The following PCLO variants were observed in gnomAD, a reference collection of about 807,000 sequenced individuals.
PCLO encodes the protein piccolo presynaptic cytomatrix protein, also known as protein piccolo.
A neutral mutation model predicts 427.5 loss-of-function variants in PCLO; 82 were observed. The observed-to-expected ratio is 0.19, with a 90% CI of 0.16 to 0.23. The LOEUF (loss-of-function observed/expected upper bound fraction) is 0.23. PCLO is among the 10% of genes least tolerant of loss of function. The pLI is 1.00. For synonymous variants in PCLO, 2,357 were observed against 2,155.4 expected, an observed-to-expected ratio of 1.09 and a Z score of -2.59; for missense variants, 6,239 against 6,115.9, an observed-to-expected ratio of 1.02 and a Z score of -0.67.
chr7:83,092,072 T>C (rs746393654), intron 3 of PCLO, among the ~76,000 whole-genome samples: 1 of 152,080 alleles, frequency 6.6e-6, no homozygotes, highest in African/African-American at 2.4e-5. Context: ...AGAGAGAGGA[T>C]AGAGAATGAA....
chr7:83,057,348 AT>A (rs1199445166), intron 3 of PCLO, among the ~76,000 whole-genome samples: 16 of 19,592 alleles, frequency 8.2e-4, no homozygotes, highest in Non-Finnish European at 1.3e-3. Context: ...ATATATATAT[AT>A]TTTTTTTTTT....
At chr7:82,877,941 C>G (rs74745360) in intron 10 of PCLO, among the ~76,000 whole-genome samples, 9,613 of 152,164 alleles carry the variant, frequency 0.063, 425 homozygotes, top group East Asian at 0.2. Flanking sequence ...CAAAGTGCCT[C>G]CCAAAGTGGG....
chr7:82,967,603 G>C (rs561383256), intron 3 of PCLO, among the ~76,000 whole-genome samples: 1 of 152,286 alleles, frequency 6.6e-6, no homozygotes, highest in South Asian at 2.1e-4. Flanking sequence ...AGAATCCTGG[G>C]AGAGGAAACA....
intron 4 of PCLO, among the ~76,000 whole-genome samples, chr7:82,961,423 G>T (rs1201197717): frequency 3.9e-5 from 6 of 152,138 alleles, no homozygotes; most frequent in Non-Finnish European, 8.8e-5. Flanking sequence ...TCTCCCCATG[G>T]GGAATGTTAG....
intron 1 of PCLO, 27 bp from the exon 2 acceptor site, chr7:83,156,419 A>G: frequency 7.7e-7 from 1 of 1,297,390 alleles, no homozygotes; most frequent in Non-Finnish European, 1.1e-6. Flanking sequence ...AAAAAAAAAA[A>G]ATCAAGTGAA....
intron 7 of PCLO, among the ~76,000 whole-genome samples, chr7:82,912,671 A>G (rs1215746748): frequency 6.7e-6 from 1 of 150,324 alleles, no homozygotes; most frequent in Non-Finnish European, 1.5e-5. Flanking sequence ...TATTTTATCA[A>G]AACAATGTTT....
At chr7:82,878,164 G>C (rs1793419627) in intron 10 of PCLO, among the ~76,000 whole-genome samples, 1 of 152,134 alleles carries the variant, frequency 6.6e-6, no homozygotes, top group African/African-American at 2.4e-5. Flanking sequence ...TTTGAAGTTG[G>C]GAAGAGATTT....
At chr7:83,160,631 A>G (rs1478598560) in intron 1 of PCLO, among the ~76,000 whole-genome samples, 4 of 152,164 alleles carry the variant, frequency 2.6e-5, no homozygotes, top group Non-Finnish European at 4.4e-5. Context: ...TTCCATCATA[A>G]TAAAATTATC....
intron 3 of PCLO, among the ~76,000 whole-genome samples, chr7:82,969,374 C>T (rs1357702574): frequency 2.0e-5 from 3 of 152,008 alleles, no homozygotes; most frequent in Non-Finnish European, 4.4e-5. Flanking sequence ...TAAATCTGAG[C>T]AATAAAAGAT....
At position 82,953,289 on chromosome 7, in the gene PCLO, G is replaced by A. The variant is rs749947727; in HGVS notation, c.7664C>T (p.Pro2555Leu). ...TGGGGAAAGTGGGGAGGTAGGGGAA[G>A]GCAATTTATAATCTGCTGAAGTCAC... ...NLVTSADYKL[P>L]SPTSPLSPHS... Residue 2555 changes from proline (P) to leucine (L), a missense_variant, in exon 5 of 25, where the codon CCT (proline) becomes CTT (leucine). Around this residue, in one of 5 missense-constraint regions of PCLO, gnomAD observed 4,677 missense variants for 4,468.4 expected, o/e 1.05. Coordinates refer to ENST00000333891, the MANE Select transcript of PCLO (RefSeq NM_033026.6). 1.2e-5 allele frequency: 19 copies of A among 1,613,696 alleles called. 1 individual carries two copies. The South Asian group carries it at 2.0e-4, about 17-fold the overall frequency.
At chr7:82,980,535 T>C (rs544606528) in intron 3 of PCLO, among the ~76,000 whole-genome samples, 1 of 152,288 alleles carries the variant, frequency 6.6e-6, no homozygotes, top group African/African-American at 2.4e-5. Context: ...GACAGTGCTT[T>C]CCAAGCCTTT....
At chr7:83,117,395 T>C (rs1216016578) in intron 3 of PCLO, among the ~76,000 whole-genome samples, 2 of 152,186 alleles carry the variant, frequency 1.3e-5, no homozygotes, top group African/African-American at 4.8e-5. Flanking sequence ...GTCTATATAT[T>C]TAGCATTGTT....
chr7:82,915,756 T>A lies in PCLO; in HGVS notation c.12230A>T (p.Asp4077Val). The A allele has an allele frequency of 6.2e-7, 1 of 1,612,142 alleles. No individual in the cohort carries two copies. Among genetic ancestry groups the A allele is most frequent in the Middle Eastern group, 1.7e-4 (1 of 6,052 alleles). Residue 4077 changes from aspartate to valine, a missense_variant, in exon 7 of 25, where the codon GAC becomes GTC. Coordinates refer to ENST00000333891, the MANE Select transcript of PCLO (RefSeq NM_033026.6). Reference sequence around the variant, plus strand: ...TGTCTCAGTGGTTCGAAGGAGACGGTCTGTTTTTGACAGATCCTTTTCATG... The same window carrying A: ...TGTCTCAGTGGTTCGAAGGAGACGGACTGTTTTTGACAGATCCTTTTCATG... ...SLHEKDLSKTDRLLRTTETRR... is the reference protein window; with the variant it reads ...SLHEKDLSKTVRLLRTTETRR...
rs1451323916 is a variant in PCLO, at chr7:82,754,458, T to C, written c.*4117A>G. ...GGATATTAGCACACACATTAATCAG[T>C]AGTGGGAGCACCTGAGCACGTCACC... On this transcript the variant is annotated 3_prime_UTR_variant, in exon 25 of 25. Transcript: ENST00000333891. 6.6e-6 allele frequency: 1 copy of C among 152,098 alleles called. No individual in the cohort carries two copies. Among genetic ancestry groups the C allele is most frequent in the African/African-American group, 2.4e-5 (1 of 41,454 alleles). The allele number at this position is 152,098 out of a possible 1,614,324, so 9.4% of individuals were successfully genotyped here.
chr7:82,952,858 G>A lies in PCLO; in HGVS notation c.8095C>T (p.Pro2699Ser), dbSNP rs551639501. 9 of 1,613,812 alleles carry A rather than the reference G, an allele frequency of 5.6e-6. No homozygotes were observed. The highest frequency in any genetic ancestry group is 7.6e-6 in the Non-Finnish European group (9 of 1,179,778). Residue 2699 changes from proline (P) to serine (S), a missense_variant, in exon 5 of 25, where the codon CCT becomes TCT. Transcript: ENST00000333891. ...TTATCTAGAGCAAGAGGCTCTGGAGGAATTGTTATGGAAATGCTGCTGAGA... is the reference window on the plus strand; with the variant it reads ...TTATCTAGAGCAAGAGGCTCTGGAGAAATTGTTATGGAAATGCTGCTGAGA... ...VGLSSISITI[P>S]PEPLALDNIH... is the part of the protein sequence containing the mutation.
intron 3 of PCLO, among the ~76,000 whole-genome samples, chr7:82,977,981 A>G (rs1310841296): frequency 6.6e-6 from 1 of 152,128 alleles, no homozygotes; most frequent in African/African-American, 2.4e-5. Context: ...GTTGCAGAGT[A>G]TCATTTTTCA....
chr7:83,056,656 TA>T (rs1227244109), intron 3 of PCLO, among the ~76,000 whole-genome samples: 1 of 152,038 alleles, frequency 6.6e-6, no homozygotes, highest in Non-Finnish European at 1.5e-5. Flanking sequence ...CCAAATTACA[TA>T]AATCCAAACT....
intron 3 of PCLO, among the ~76,000 whole-genome samples, chr7:82,990,342 A>G (rs1179126895): frequency 6.6e-6 from 1 of 152,186 alleles, no homozygotes; most frequent in African/African-American, 2.4e-5. Flanking sequence ...GTGGACTAAG[A>G]TCAAGGACAA....
intron 22 of PCLO, among the ~76,000 whole-genome samples, chr7:82,782,596 T>C (rs760146133): frequency 6.6e-6 from 1 of 152,190 alleles, no homozygotes; most frequent in Non-Finnish European, 1.5e-5. Context: ...ATAGTTTTCA[T>C]GTCACATATA....
Sources: gnomAD v4.1 joint callset for allele counts (sites outside exome capture counted in the v4.1 genomes callset) on GRCh38, gnomAD v4.1.1 for gene constraint, gnomAD v4.1.1 regional missense constraint, MANE v1.5 for transcripts, NCBI Gene and HGNC (gene_info 2026-07-23, HGNC 2026-07-21) for gene names.